CASK: variants seen among roughly 807,000 people sequenced by gnomAD.
The protein encoded by CASK is calcium/calmodulin dependent serine protein kinase.
CASK carries 4 observed loss-of-function variants against 82.9 expected under a neutral mutation model. The ratio of observed to expected loss-of-function variants is 0.05; its 90% confidence interval spans 0.02 to 0.11. The LOEUF is 0.11. CASK is among the 10% of genes least tolerant of loss of function. The probability of loss-of-function intolerance (pLI) is 1.00; values close to 1 mark genes in which losing one functional copy is unlikely to be tolerated. For missense variants in CASK, 358 were observed against 720.9 expected, an observed-to-expected ratio of 0.50 and a Z score of 5.76; for synonymous variants, 259 against 253.5, an observed-to-expected ratio of 1.02 and a Z score of -0.20.
At position 41,636,573 on chromosome X, in the gene CASK, T is replaced by C. The variant is rs1305892201; in HGVS notation, c.915+5A>G. 8.9e-7 allele frequency: 1 copy of C among 1,129,784 alleles called. No individual in the cohort carries two copies. Among genetic ancestry groups the C allele is most frequent in the East Asian group, 3.0e-5 (1 of 33,419 alleles). 93.1% of individuals were successfully genotyped at this position (1,129,784 alleles called of 1,213,427 possible). A position where few individuals can be genotyped will look rare whatever the true frequency, so the allele number is the denominator to read the frequency against. On this transcript the variant is annotated splice_donor_5th_base_variant and intron_variant, in intron 9 of 26. Coordinates refer to ENST00000378163, the MANE Select transcript of CASK (RefSeq NM_001367721.1). Reference sequence around the variant, plus strand: ...TTGGCTTTTTTGCTGATTTGTTTAATTTACCTTTAGTTTCCTCCTTGCATT... The same window carrying C: ...TTGGCTTTTTTGCTGATTTGTTTAACTTACCTTTAGTTTCCTCCTTGCATT...
intron 11 of CASK, among the ~76,000 whole-genome samples, chrX:41,615,817 G>T (rs2066185528): frequency 9.1e-6 from 1 of 110,046 alleles, no homozygotes; most frequent in South Asian, 4.0e-4. Flanking sequence ...AGTAGAGACG[G>T]GGTTTCACCA....
intron 24 of CASK, 26 bp downstream of exon 24, chrX:41,534,680 T>C (rs1411359190): frequency 2.7e-6 from 3 of 1,110,779 alleles, no homozygotes; most frequent in Non-Finnish European, 3.7e-6. Flanking sequence ...AAAAATATAA[T>C]GAAAAGAGAT....
intron 14 of CASK, chrX:41,585,745 C>CA (rs749159010): frequency 0.048 from 1,801 of 37,202 alleles, 72 homozygotes; most frequent in African/African-American, 0.15. Context: ...AACTCCGTCT[C>CA]AAAAAAAAAA....
intron 4 of CASK, 27 bp from the exon 5 acceptor site, chrX:41,739,483 A>C: frequency 1.0e-6 from 1 of 979,070 alleles, no homozygotes; most frequent in Non-Finnish European, 1.5e-6. Context: ...AAATCTAAAA[A>C]CTGTAAACAA....
At chrX:41,806,191 C>A (rs1223731604) in intron 2 of CASK, among the ~76,000 whole-genome samples, 1 of 111,869 alleles carries the variant, frequency 8.9e-6, no homozygotes, top group Non-Finnish European at 1.9e-5. Flanking sequence ...TTTGGACTGT[C>A]TGGTATATTC....
intron 2 of CASK, among the ~76,000 whole-genome samples, chrX:41,821,672 T>C (rs765236108): frequency 5.3e-5 from 6 of 112,509 alleles, no homozygotes; most frequent in East Asian, 2.8e-4. Flanking sequence ...TTTAAAAACT[T>C]TGCTATATGC....
chrX:41,530,990 G>A lies in CASK; in HGVS notation c.2520+17C>T. 8.4e-7 allele frequency: 1 copy of A among 1,193,064 alleles called. No individual in the cohort carries two copies. On this transcript the variant is annotated intron_variant, in intron 25 of 26. Coordinates refer to ENST00000378163, the MANE Select transcript of CASK (RefSeq NM_001367721.1). Reference sequence around the variant, plus strand: ...ATGCAGGCAGGATGTCAGACATTCGGGGAGGCTGGGCATTACCTGAGGCTC... The same window carrying A: ...ATGCAGGCAGGATGTCAGACATTCGAGGAGGCTGGGCATTACCTGAGGCTC...
At chrX:41,565,024 C>A (rs911874963) in intron 16 of CASK, among the ~76,000 whole-genome samples, 6 of 112,057 alleles carry the variant, frequency 5.4e-5, no homozygotes, top group Non-Finnish European at 1.1e-4. Flanking sequence ...TAAAGATGTT[C>A]TTTGAAACCA....
intron 2 of CASK, among the ~76,000 whole-genome samples, chrX:41,814,533 T>C (rs1176003491): frequency 9.8e-6 from 1 of 102,254 alleles, no homozygotes; most frequent in Non-Finnish European, 2.0e-5. Context: ...TAGGTGGGAA[T>C]TCAACAATGA....
At chrX:41,692,082 C>G (rs1216360536) in intron 5 of CASK, among the ~76,000 whole-genome samples, 1 of 111,297 alleles carries the variant, frequency 9.0e-6, no homozygotes, top group Non-Finnish European at 1.9e-5. Flanking sequence ...TTCATTACCT[C>G]TTTTGTGATA....
intron 8 of CASK, among the ~76,000 whole-genome samples, chrX:41,654,556 G>A (rs911584153): frequency 9.0e-6 from 1 of 110,651 alleles, no homozygotes; most frequent in Admixed American, 9.6e-5. Context: ...ACCTGTAATC[G>A]CAGCTACTCG....
chrX:41,649,872 T>C (rs1381546868), intron 8 of CASK, among the ~76,000 whole-genome samples: 2 of 111,207 alleles, frequency 1.8e-5, no homozygotes, highest in Admixed American at 9.6e-5. Context: ...CCCATTATTA[T>C]TGTGTGGGAG....
intron 8 of CASK, among the ~76,000 whole-genome samples, chrX:41,643,150 C>T (rs1466649845): frequency 1.8e-5 from 2 of 111,541 alleles, no homozygotes; most frequent in African/African-American, 3.3e-5. Flanking sequence ...GGTACCAGTA[C>T]CATGCTGTTT....
intron 2 of CASK, among the ~76,000 whole-genome samples, chrX:41,794,870 ATATT>A (rs1282013206): frequency 8.9e-6 from 1 of 112,611 alleles, no homozygotes; most frequent in Non-Finnish European, 1.9e-5. Context: ...TTTACTTTCT[ATATT>A]TATTAACTGA....
intron 16 of CASK, among the ~76,000 whole-genome samples, chrX:41,568,846 A>T (rs1569311391): frequency 1.8e-5 from 2 of 111,187 alleles, no homozygotes; most frequent in Non-Finnish European, 3.8e-5. Context: ...AAAATATCAA[A>T]AGTTAGCCAG....
chrX:41,754,878 G>GT (rs869108372), intron 3 of CASK, among the ~76,000 whole-genome samples: 2,529 of 94,145 alleles, frequency 0.027, 51 homozygotes, highest in African/African-American at 0.053. Context: ...TTTCTGACAA[G>GT]TTTTTTTTTT....
intron 1 of CASK, among the ~76,000 whole-genome samples, chrX:41,894,321 A>G (rs2072231418): frequency 2.7e-5 from 3 of 111,510 alleles, no homozygotes; most frequent in South Asian, 7.5e-4. Flanking sequence ...GCAAACTTGA[A>G]GCTAGGTCAA....
At chrX:41,556,924 T>C in intron 19 of CASK, 108 bp downstream of exon 19, 1 of 608,805 alleles carries the variant, frequency 1.6e-6, no homozygotes, top group Non-Finnish European at 2.8e-6. Flanking sequence ...TAGCCTTGTA[T>C]ATCAGCAGAA....
intron 25 of CASK, among the ~76,000 whole-genome samples, chrX:41,526,018 G>A (rs1388480826): frequency 8.9e-6 from 1 of 112,140 alleles, no homozygotes; most frequent in African/African-American, 3.2e-5. Flanking sequence ...AGAGGTAACT[G>A]GCAATTTCTT....
Sources: gnomAD v4.1 joint callset for allele counts (sites outside exome capture counted in the v4.1 genomes callset) on GRCh38, gnomAD v4.1.1 for gene constraint, MANE v1.5 for transcripts, NCBI Gene and HGNC (gene_info 2026-07-23, HGNC 2026-07-21) for gene names.